Variants in CHIC2 observed in about 807,000 individuals in gnomAD.
The protein encoded by CHIC2 is cysteine-rich hydrophobic domain-containing protein 2.
Under a neutral mutation model 25.9 loss-of-function variants are expected in CHIC2, and 14 were observed. The observed-to-expected ratio is 0.54, with a 90% CI of 0.36 to 0.85. The LOEUF is 0.85. CHIC2 is among the 40% of genes least tolerant of loss of function. The pLI is 0.01. For synonymous variants in CHIC2, 70 were observed against 72.0 expected, an observed-to-expected ratio of 0.97 and a Z score of 0.14; for missense variants, 146 against 202.0, an observed-to-expected ratio of 0.72 and a Z score of 1.68.
intron 1 of CHIC2, among the ~76,000 whole-genome samples, chr4:54,057,057 C>T (rs1365493523): frequency 6.6e-6 from 1 of 152,118 alleles, no homozygotes; most frequent in Non-Finnish European, 1.5e-5. Context: ...GTTATTTAAC[C>T]TCAGCCTACA....
the CHIC2 span, among the ~76,000 whole-genome samples, chr4:54,081,573 A>G: frequency 1.3e-5 from 2 of 152,216 alleles, no homozygotes; most frequent in African/African-American, 4.8e-5. Context: ...TGCCCTAGAC[A>G]TGTATAAATA....
chr4:54,016,058 T>C (rs1715728980), intron 3 of CHIC2, among the ~76,000 whole-genome samples: 1 of 152,220 alleles, frequency 6.6e-6, no homozygotes, highest in Admixed American at 6.5e-5. Flanking sequence ...CTAGGGCCTT[T>C]TAATAATAGA....
upstream of CHIC2, among the ~76,000 whole-genome samples, chr4:54,066,257 T>C (rs894688785): frequency 1.3e-5 from 2 of 152,124 alleles, no homozygotes; most frequent in East Asian, 3.9e-4. Context: ...ACCTGCCCCA[T>C]TGGGATGCTC....
intron 3 of CHIC2, among the ~76,000 whole-genome samples, chr4:54,035,375 C>A (rs910330946): frequency 6.6e-6 from 1 of 152,064 alleles, no homozygotes; most frequent in African/African-American, 2.4e-5. Flanking sequence ...CTGGAATTTT[C>A]TTTGTTGGAA....
chr4:54,061,112 A>G (rs1235969681), intron 1 of CHIC2: 1 of 152,158 alleles, frequency 6.6e-6, no homozygotes, highest in Non-Finnish European at 1.5e-5. Context: ...GGTCACGATG[A>G]AAACATTTGT....
chr4:54,070,402 TTATTTATG>T, the CHIC2 span, among the ~76,000 whole-genome samples: 114 of 87,580 alleles, frequency 1.3e-3, no homozygotes, highest in Middle Eastern at 0.017. Context: ...ATTTATTTAT[TTATTTATG>T]TATTTATGTA....
chr4:54,054,508 A>AT, intron 1 of CHIC2, among the ~76,000 whole-genome samples: 1 of 152,326 alleles, frequency 6.6e-6, no homozygotes, highest in South Asian at 2.1e-4. Context: ...TAACAGTGAA[A>AT]TTTTTAAAAC....
At chr4:54,018,843 C>CAA (rs1337156696) in intron 3 of CHIC2, among the ~76,000 whole-genome samples, 1 of 151,958 alleles carries the variant, frequency 6.6e-6, no homozygotes, top group Non-Finnish European at 1.5e-5. Flanking sequence ...CATACCATCA[C>CAA]AAAATGGGAA....
In CHIC2 at chr4:54,032,314, G is replaced by C. The variant is rs1030488853; in HGVS notation, c.330+16641C>G. ...CCCTCTACGGTCTCCCTCTGATGCC[G>C]AGCCGAAGCTGGACTGTACTGCTGC... On this transcript the variant is annotated intron_variant, in intron 3 of 5. Transcript: ENST00000263921. Among the ~76,000 whole-genome samples the C allele has an allele frequency of 3.0e-4, 34 of 114,806 alleles. 1 individual carries two copies. The East Asian group carries it at 7.5e-3, about 25-fold the overall frequency. The allele number at this position is 114,806 out of a possible 152,430, so 75.3% of individuals were successfully genotyped here. A position where few individuals can be genotyped will look rare whatever the true frequency, so the allele number is the denominator to read the frequency against.
At chr4:54,070,381 A>ATTATTTATTTAT in the CHIC2 span, among the ~76,000 whole-genome samples, 3 of 150,102 alleles carry the variant, frequency 2.0e-5, no homozygotes, top group Non-Finnish European at 4.5e-5. Flanking sequence ...GTGCATTTTT[A>ATTATTTATTTAT]TTATTTATTT....
intron 3 of CHIC2, among the ~76,000 whole-genome samples, chr4:54,020,090 T>C (rs1026576567): frequency 6.6e-6 from 1 of 152,208 alleles, no homozygotes; most frequent in South Asian, 2.1e-4. Flanking sequence ...GTCAGGCCTC[T>C]GAGCCCAAGC....
the CHIC2 span, among the ~76,000 whole-genome samples, chr4:54,088,215 A>C: frequency 6.6e-6 from 1 of 152,218 alleles, no homozygotes; most frequent in East Asian, 1.9e-4. Context: ...GCTTGAAGTA[A>C]AACAGCCCAT....
At chr4:54,067,237 T>C (rs940065814), upstream of CHIC2, among the ~76,000 whole-genome samples, 1 of 152,142 alleles carries the variant, frequency 6.6e-6, no homozygotes, top group East Asian at 1.9e-4. Flanking sequence ...GGCCTGGGTA[T>C]ACGGTAGAGG....
At chr4:54,074,561 A>G in the CHIC2 span, among the ~76,000 whole-genome samples, 2 of 151,064 alleles carry the variant, frequency 1.3e-5, no homozygotes, top group East Asian at 1.9e-4. Flanking sequence ...AGTTGTTTCT[A>G]TGTTCTCCCA....
intron 5 of CHIC2, among the ~76,000 whole-genome samples, chr4:54,013,359 T>C (rs1715645016): frequency 6.6e-6 from 1 of 152,136 alleles, no homozygotes; most frequent in South Asian, 2.1e-4. Context: ...AGTATTCTAA[T>C]AACACTTTAA....
chr4:54,025,043 C>A (rs943576225), intron 3 of CHIC2, among the ~76,000 whole-genome samples: 11 of 152,098 alleles, frequency 7.2e-5, no homozygotes, highest in Admixed American at 3.9e-4. Context: ...CACCCGCCCC[C>A]CCAAAATTTT....
chr4:54,069,986 A>G, the CHIC2 span, among the ~76,000 whole-genome samples: 1 of 152,228 alleles, frequency 6.6e-6, no homozygotes, highest in Non-Finnish European at 1.5e-5. Context: ...AATTGTGATC[A>G]GTTCTGTGGA....
intron 3 of CHIC2, among the ~76,000 whole-genome samples, chr4:54,042,197 T>C (rs1716599328): frequency 6.6e-6 from 1 of 152,186 alleles, no homozygotes; most frequent in Non-Finnish European, 1.5e-5. Flanking sequence ...TGTTTGTTTA[T>C]GCTCCCTAGA....
intron 3 of CHIC2, among the ~76,000 whole-genome samples, chr4:54,034,636 T>C (rs140820049): frequency 1.2e-3 from 182 of 152,316 alleles, no homozygotes; most frequent in African/African-American, 3.9e-3. Flanking sequence ...AACTCACCTG[T>C]TAGTTTCAAG....
Sources: gnomAD v4.1 joint callset for allele counts (sites outside exome capture counted in the v4.1 genomes callset) on GRCh38, gnomAD v4.1.1 for gene constraint, MANE v1.5 for transcripts, NCBI Gene and HGNC (gene_info 2026-07-23, HGNC 2026-07-21) for gene names.